The following NSD1 variants were observed in gnomAD, a reference collection of about 807,000 sequenced individuals.
NSD1 encodes nuclear receptor binding SET domain protein 1.
Under a neutral mutation model 242.7 loss-of-function variants are expected in NSD1, and 26 were observed. The observed-to-expected ratio is 0.11, with a 90% CI of 0.08 to 0.15. The LOEUF (loss-of-function observed/expected upper bound fraction) is 0.15. Ranked by LOEUF, NSD1 falls within the 10% of genes least tolerant of loss-of-function variation. NSD1 has a pLI of 1.00. For missense variants in NSD1, 2,495 were observed against 3,272.8 expected, an observed-to-expected ratio of 0.76 and a Z score of 5.80; for synonymous variants, 1,106 against 1,178.1, an observed-to-expected ratio of 0.94 and a Z score of 1.25.
At chr5:177,266,683 A>C (rs914681739) in intron 14 of NSD1, 37 of 309,810 alleles carry the variant, frequency 1.2e-4, no homozygotes, top group Non-Finnish European at 1.2e-5. Flanking sequence ...TGAGAACAAG[A>C]TTAACTCGGA....
intron 13 of NSD1, among the ~76,000 whole-genome samples, chr5:177,257,842 ATTTTT>A (rs1160063323): frequency 7.0e-5 from 10 of 143,098 alleles, no homozygotes; most frequent in African/African-American, 2.6e-4. Flanking sequence ...ATTTTATTTT[ATTTTT>A]TTTTGAGACG....
chr5:177,207,473 G>A (rs537740568), intron 4 of NSD1, among the ~76,000 whole-genome samples: 4 of 150,846 alleles, frequency 2.7e-5, no homozygotes, highest in South Asian at 2.1e-4. Context: ...TAGTATAGAC[G>A]GGGTTTCACC....
At chr5:177,151,453 G>A (rs1024869000) in intron 2 of NSD1, among the ~76,000 whole-genome samples, 26 of 151,794 alleles carry the variant, frequency 1.7e-4, no homozygotes, top group Admixed American at 6.6e-5. Context: ...CAATGGCACA[G>A]TCTCGGCTCC....
intron 20 of NSD1, among the ~76,000 whole-genome samples, chr5:177,285,437 G>A (rs561054910): frequency 4.6e-5 from 7 of 151,722 alleles, no homozygotes; most frequent in African/African-American, 1.2e-4. Context: ...GGTGGCAGGC[G>A]CCTGTAGTCT....
At chr5:177,241,340 T>C (rs1288466914) in intron 8 of NSD1, among the ~76,000 whole-genome samples, 3 of 139,026 alleles carry the variant, frequency 2.2e-5, no homozygotes, top group Non-Finnish European at 3.1e-5. Flanking sequence ...CTACTAATAA[T>C]ACAAAAAAAA....
In NSD1 at chr5:177,210,075, C is replaced by T; in HGVS notation, c.1676C>T (p.Thr559Ile). 1 of 1,613,904 alleles carries T rather than the reference C, an allele frequency of 6.2e-7. No individual in the cohort carries two copies. Among genetic ancestry groups the T allele is most frequent in the East Asian group, 2.2e-5 (1 of 44,884 alleles). ...NELSRIANSL[T>I]GSNTAPGSFL... ...CTTTCCAGGATAGCAAATAGCCTCA[C>T]AGGGTCCAACACTGCCCCAGGAAGT... is the stretch of plus-strand genomic sequence containing the variant. Residue 559 changes from threonine to isoleucine, a missense_variant, in exon 5 of 23, where the codon ACA becomes ATA. Physicochemically the swap from Thr to Ile is moderately conservative, Grantham distance 89 (BLOSUM62 -1). Transcript: ENST00000439151.
intron 2 of NSD1, among the ~76,000 whole-genome samples, chr5:177,144,711 G>A (rs1757092872): frequency 6.6e-6 from 1 of 152,146 alleles, no homozygotes; most frequent in Admixed American, 6.6e-5. Context: ...CAATTGAACA[G>A]TTACTTTTGA....
At chr5:177,240,459 A>AT (rs1186106798) in intron 8 of NSD1, among the ~76,000 whole-genome samples, 2 of 152,108 alleles carry the variant, frequency 1.3e-5, no homozygotes, top group African/African-American at 2.4e-5. Context: ...CATGCCTGTA[A>AT]TCCCAGCATT....
At position 177,269,396 on chromosome 5, in the gene NSD1, C is replaced by T. The variant is rs753259297; in HGVS notation, c.5304-206C>T. On this transcript the variant is annotated intron_variant, in intron 15 of 22. Coordinates refer to ENST00000439151, the MANE Select transcript of NSD1 (RefSeq NM_022455.5). This position sits in a 1 kb window ranked among gnomAD's most constrained non-coding sequence, Gnocchi z 5.1. ...GAATAATTGAGTCTAAGGGAGTGCGCGCCTGTGTGGGAATGTGGGCAGATG... is the reference window on the plus strand; with the variant it reads ...GAATAATTGAGTCTAAGGGAGTGCGTGCCTGTGTGGGAATGTGGGCAGATG... 5.9e-5 allele frequency among the ~76,000 whole-genome samples: 9 copies of T among 152,190 alleles called. No individual in the cohort carries two copies. The South Asian group carries it at 6.2e-4, about 11-fold the overall frequency.
Position 177,191,854 on chromosome 5 carries a change from A to G in NSD1, c.928-30A>G, listed in dbSNP as rs1356581489. The G allele has an allele frequency of 4.3e-6, 7 of 1,611,890 alleles. No individual in the cohort carries two copies. The African/African-American group carries it at 9.3e-5, about 22-fold the overall frequency. On this transcript the variant is annotated intron_variant, in intron 2 of 22. Transcript: ENST00000439151. ...AATGTTTCAAAATATTTTGATTCTT[A>G]TTGATGCCCCATGTTTTGTCTGTCT...
At chr5:177,165,762 C>G (rs566615205) in intron 2 of NSD1, among the ~76,000 whole-genome samples, 1 of 151,988 alleles carries the variant, frequency 6.6e-6, no homozygotes, top group Non-Finnish European at 1.5e-5. Context: ...CCATGCCTGG[C>G]AAATCACTGT....
Position 177,246,772 on chromosome 5 carries a change from G to A in NSD1, c.4473G>A (p.Ser1491=), listed in dbSNP as rs150920473. Residue 1491 remains serine (S), a synonymous_variant, in exon 10 of 23, where the codon TCG becomes TCA. Coordinates refer to ENST00000439151, the MANE Select transcript of NSD1 (RefSeq NM_022455.5). The stretch of plus-strand genomic sequence containing the variant: ...GTAAAAAAGTGAAAAATGATGACTC[G>A]TCAAAAGAGATTCCAGGCTCAGAGG... The part of the protein sequence containing the change: ...MQCKKVKNDD[S]SKEIPGSEGE... The A allele has an allele frequency of 7.7e-5, 124 of 1,613,164 alleles. No homozygotes were observed. The East Asian group carries it at 1.0e-3, about 14-fold the overall frequency.
At chr5:177,217,989 T>TCAACCTAAC (rs1254779661) in intron 5 of NSD1, among the ~76,000 whole-genome samples, 1 of 152,124 alleles carries the variant, frequency 6.6e-6, no homozygotes, top group Non-Finnish European at 1.5e-5. Context: ...TATGGCTCAC[T>TCAACCTAAC]GCAGCCTCAA....
intron 2 of NSD1, among the ~76,000 whole-genome samples, chr5:177,159,078 T>C (rs914448932): frequency 2.2e-5 from 3 of 139,068 alleles, no homozygotes; most frequent in Admixed American, 2.1e-4. Flanking sequence ...AGTCTCACTC[T>C]GTCACCCAGG....
chr5:177,295,031 G>A lies in NSD1; in HGVS notation c.7663G>A (p.Ala2555Thr), dbSNP rs1450153384. 1 of 1,614,174 alleles carries A rather than the reference G, an allele frequency of 6.2e-7. No individual in the cohort carries two copies. Among genetic ancestry groups the A allele is most frequent in the Non-Finnish European group, 8.5e-7 (1 of 1,180,030 alleles). ...KAFLYEPTTQ[A>T]SGRASAGAEQ... ...CTTTTTATATGAGCCAACAACTCAG[G>A]CCTCAGGAAGAGCTTCTGCAGGGGC... Residue 2555 changes from alanine (A) to threonine (T), a missense_variant, in exon 23 of 23, where the codon GCC becomes ACC. Around this residue, in one of 19 missense-constraint regions of NSD1, gnomAD observed 475 missense variants for 563.7 expected, o/e 0.84. Transcript: ENST00000439151. The surrounding 1 kb of genome is among the most constrained non-coding windows in gnomAD (Gnocchi z 4.3).
chr5:177,200,725 C>A (rs1386710118), intron 3 of NSD1, among the ~76,000 whole-genome samples: 1 of 152,082 alleles, frequency 6.6e-6, no homozygotes, highest in African/African-American at 2.4e-5. Context: ...TAGTATGTTT[C>A]TGAATTTCTT....
At chr5:177,234,085 G>A (rs1765263229) in intron 5 of NSD1, among the ~76,000 whole-genome samples, 1 of 152,198 alleles carries the variant, frequency 6.6e-6, no homozygotes, top group Non-Finnish European at 1.5e-5. Context: ...TGATGATAAT[G>A]AACAAGGTGG....
At chr5:177,169,144 C>G (rs1759479370) in intron 2 of NSD1, among the ~76,000 whole-genome samples, 1 of 152,136 alleles carries the variant, frequency 6.6e-6, no homozygotes, top group South Asian at 2.1e-4. Context: ...AGCAGACCAC[C>G]AAGCAGTGAC....
At position 177,274,490 on chromosome 5, in the gene NSD1, T is replaced by C. The variant is rs567048024; in HGVS notation, c.5622+706T>C. Among the ~76,000 whole-genome samples the C allele has an allele frequency of 1.4e-4, 22 of 152,372 alleles. 1 individual carries two copies. In the South Asian group the frequency reaches 4.6e-3, roughly 32 times the overall value. Reference sequence around the variant, plus strand: ...ACTTTTGCACCAACCTAATATTTACTAAATCCTTTTTACAAACCTCTTTTT... The same window carrying C: ...ACTTTTGCACCAACCTAATATTTACCAAATCCTTTTTACAAACCTCTTTTT... On this transcript the variant is annotated intron_variant, in intron 17 of 22. Transcript: ENST00000439151.
Sources: gnomAD v4.1 joint callset for allele counts (sites outside exome capture counted in the v4.1 genomes callset) on GRCh38, gnomAD v4.1.1 for gene constraint, gnomAD v4.1.1 regional missense constraint, Gnocchi (gnomAD v3.1) non-coding constraint, MANE v1.5 for transcripts, NCBI Gene and HGNC (gene_info 2026-07-23, HGNC 2026-07-21) for gene names.